SOX6: variants seen among roughly 807,000 people sequenced by gnomAD.
SOX6 encodes transcription factor SOX-6.
SOX6 carries 11 observed loss-of-function variants against 97.8 expected under a neutral mutation model. That is an observed-to-expected ratio of 0.11 (90% CI 0.07 to 0.19). The LOEUF is 0.19. Ranked by LOEUF, SOX6 falls within the 10% of genes least tolerant of loss-of-function variation. The probability of loss-of-function intolerance (pLI) is 1.00; values close to 1 mark genes in which losing one functional copy is unlikely to be tolerated. For synonymous variants in SOX6, 360 were observed against 371.4 expected, an observed-to-expected ratio of 0.97 and a Z score of 0.35; for missense variants, 810 against 1,039.5, an observed-to-expected ratio of 0.78 and a Z score of 3.04.
chr11:16,093,933 A>G (rs1848743139), intron 9 of SOX6, among the ~76,000 whole-genome samples: 1 of 151,918 alleles, frequency 6.6e-6, no homozygotes, highest in South Asian at 2.1e-4. Context: ...TCATACTAGG[A>G]AAGTTTGGGA....
At chr11:16,525,294 A>G (rs1861139160) in intron 4 of SOX6, among the ~76,000 whole-genome samples, 1 of 151,746 alleles carries the variant, frequency 6.6e-6, no homozygotes, top group Non-Finnish European at 1.5e-5. Flanking sequence ...ATATAGATCA[A>G]TGGAACAGAA....
At chr11:16,466,626 G>GAAA (rs532542109) in intron 1 of SOX6, among the ~76,000 whole-genome samples, 1 of 142,022 alleles carries the variant, frequency 7.0e-6, no homozygotes, top group African/African-American at 2.6e-5. Flanking sequence ...AAAATTACAA[G>GAAA]AAAAAAAAAA....
At chr11:16,447,532 A>C (rs1311283774) in intron 1 of SOX6, among the ~76,000 whole-genome samples, 2 of 152,052 alleles carry the variant, frequency 1.3e-5, no homozygotes, top group Non-Finnish European at 2.9e-5. Context: ...AAACAGAAAG[A>C]GAGAGAGATA....
intron 3 of SOX6, among the ~76,000 whole-genome samples, chr11:16,634,231 T>C (rs1590023387): frequency 6.6e-6 from 1 of 151,290 alleles, no homozygotes; most frequent in Non-Finnish European, 1.5e-5. Flanking sequence ...AAATCTAACA[T>C]AAAGTTCATT....
chr11:16,382,489 A>T (rs1857853877), intron 1 of SOX6: 1 of 152,036 alleles, frequency 6.6e-6, no homozygotes, highest in Non-Finnish European at 1.5e-5. Context: ...TGCACTTTCA[A>T]TAATAAAATA....
At chr11:16,160,834 A>G (rs888719819) in intron 6 of SOX6, among the ~76,000 whole-genome samples, 1 of 152,198 alleles carries the variant, frequency 6.6e-6, no homozygotes, top group African/African-American at 2.4e-5. Context: ...TTACTAAAAC[A>G]TTTTTGGAAC....
intron 9 of SOX6, among the ~76,000 whole-genome samples, chr11:16,056,798 T>C (rs1475807728): frequency 6.6e-6 from 1 of 152,190 alleles, no homozygotes. Flanking sequence ...ACATTACAAA[T>C]CTTTAAATTA....
intron 3 of SOX6, chr11:16,314,804 A>G: frequency 6.6e-6 from 1 of 152,338 alleles, no homozygotes. Context: ...ATATCTCAAA[A>G]TATCTTTTAC....
intron 3 of SOX6, among the ~76,000 whole-genome samples, chr11:16,262,144 A>T (rs557509629): frequency 1.1e-4 from 16 of 152,032 alleles, no homozygotes; most frequent in Non-Finnish European, 1.6e-4. Flanking sequence ...ATCCATCTAT[A>T]AACTAAATTG....
chr11:16,257,337 G>A (rs902929091), intron 3 of SOX6, among the ~76,000 whole-genome samples: 1 of 151,834 alleles, frequency 6.6e-6, no homozygotes, highest in South Asian at 2.1e-4. Flanking sequence ...AATCAGGACT[G>A]TGTGGTACTG....
chr11:16,044,147 TC>T (rs1246926664), intron 12 of SOX6, among the ~76,000 whole-genome samples: 18 of 152,114 alleles, frequency 1.2e-4, no homozygotes, highest in African/African-American at 4.1e-4. Flanking sequence ...CTAAAAGCAC[TC>T]CCTAATAAAC....
At chr11:16,110,703 T>C (rs1415654320) in intron 7 of SOX6, among the ~76,000 whole-genome samples, 1 of 152,160 alleles carries the variant, frequency 6.6e-6, no homozygotes, top group Non-Finnish European at 1.5e-5. Flanking sequence ...AGAAGGAAGT[T>C]CTCTATCAAA....
intron 4 of SOX6, among the ~76,000 whole-genome samples, chr11:16,191,297 T>C (rs1238161270): frequency 3.9e-5 from 6 of 152,004 alleles, no homozygotes; most frequent in African/African-American, 1.4e-4. Context: ...TCTCCAAAAA[T>C]TTTTTTGTAA....
At chr11:16,507,510 C>A (rs1860810835) in intron 4 of SOX6, among the ~76,000 whole-genome samples, 1 of 152,068 alleles carries the variant, frequency 6.6e-6, no homozygotes, top group Non-Finnish European at 1.5e-5. Context: ...TATCTGACTT[C>A]AAAATACATT....
intron 4 of SOX6, among the ~76,000 whole-genome samples, chr11:16,550,963 A>T (rs1335446069): frequency 6.6e-6 from 1 of 152,192 alleles, no homozygotes; most frequent in Non-Finnish European, 1.5e-5. Flanking sequence ...CACACCTGTA[A>T]TTCCAGCACT....
rs568757862 is a variant in SOX6, at chr11:16,161,714, T to C, written c.777+22172A>G. ...TGGTGCTAAGTTTTCTCATTTTTCTTTTTTCTTCTGTCCTTTGACATAACT... is the reference window on the plus strand; with the variant it reads ...TGGTGCTAAGTTTTCTCATTTTTCTCTTTTCTTCTGTCCTTTGACATAACT... On this transcript the variant is annotated intron_variant, in intron 6 of 15. Coordinates refer to ENST00000683767, the MANE Select transcript of SOX6 (RefSeq NM_001367873.1). 4.5e-4 allele frequency among the ~76,000 whole-genome samples: 68 copies of C among 152,270 alleles called. No homozygotes were observed. In the South Asian group the frequency reaches 0.014, roughly 31 times the overall value.
intron 4 of SOX6, among the ~76,000 whole-genome samples, chr11:16,592,206 A>G (rs541711279): frequency 1.3e-5 from 2 of 151,684 alleles, no homozygotes; most frequent in South Asian, 4.2e-4. Flanking sequence ...CTATTCTGTC[A>G]GAAGTTCTCC....
intron 2 of SOX6, among the ~76,000 whole-genome samples, chr11:16,320,491 G>T (rs1855885534): frequency 6.6e-6 from 1 of 152,090 alleles, no homozygotes; most frequent in South Asian, 2.1e-4. Context: ...GATTTTCAGG[G>T]TTATTGAAAG....
intron 1 of SOX6, among the ~76,000 whole-genome samples, chr11:16,437,270 A>G (rs1859395862): frequency 6.8e-6 from 1 of 146,112 alleles, no homozygotes; most frequent in African/African-American, 2.5e-5. Flanking sequence ...CCCTGTCTCT[A>G]TTTTTTTTTT....
Sources: gnomAD v4.1 joint callset for allele counts (sites outside exome capture counted in the v4.1 genomes callset) on GRCh38, gnomAD v4.1.1 for gene constraint, MANE v1.5 for transcripts, NCBI Gene and HGNC (gene_info 2026-07-23, HGNC 2026-07-21) for gene names.